ABTB2: variants seen among roughly 807,000 people sequenced by gnomAD.
ABTB2 encodes the protein ankyrin repeat and BTB/POZ domain-containing protein 2.
ABTB2 carries 56 observed loss-of-function variants against 104.1 expected under a neutral mutation model. The ratio of observed to expected loss-of-function variants is 0.54; its 90% CI spans 0.43 to 0.67. The LOEUF (loss-of-function observed/expected upper bound fraction) is 0.67. ABTB2 is among the 30% of genes least tolerant of loss of function. The pLI, the probability that ABTB2 is intolerant of heterozygous loss-of-function variation, is 0.00. For synonymous variants in ABTB2, 606 were observed against 608.2 expected (o/e 1.00, Z 0.05); for missense variants, 1,279 against 1,407.7 (o/e 0.91, Z 1.46).
intron 1 of ABTB2, among the ~76,000 whole-genome samples, chr11:34,280,051 G>A (rs746430082): frequency 4.6e-5 from 7 of 152,042 alleles, no homozygotes; most frequent in African/African-American, 7.2e-5. Flanking sequence ...GATTACAGGC[G>A]TGAGCCACCG....
At chr11:34,176,634 C>T (rs1166165799) in intron 3 of ABTB2, among the ~76,000 whole-genome samples, 7 of 152,140 alleles carry the variant, frequency 4.6e-5, no homozygotes, top group Admixed American at 2.6e-4. Flanking sequence ...AAAGAGAGAC[C>T]GTGTCTCAAG....
intron 1 of ABTB2, among the ~76,000 whole-genome samples, chr11:34,288,444 A>C (rs1277430708): frequency 6.6e-6 from 1 of 152,236 alleles, no homozygotes; most frequent in Non-Finnish European, 1.5e-5. Flanking sequence ...TAAGTGCAAG[A>C]ACAATCAAAG....
At chr11:34,313,129 T>C (rs73497379) in intron 1 of ABTB2, among the ~76,000 whole-genome samples, 8,391 of 152,290 alleles carry the variant, frequency 0.055, 430 homozygotes, top group African/African-American at 0.14. Context: ...TCACTGTCAG[T>C]GGAACAATTT....
At chr11:34,232,571 G>C (rs1853785938) in intron 1 of ABTB2, among the ~76,000 whole-genome samples, 1 of 152,094 alleles carries the variant, frequency 6.6e-6, no homozygotes, top group South Asian at 2.1e-4. Flanking sequence ...GAGACCTTCT[G>C]AAGCCCCACC....
At chr11:34,308,328 C>A (rs910441052) in intron 1 of ABTB2, among the ~76,000 whole-genome samples, 4 of 152,216 alleles carry the variant, frequency 2.6e-5, no homozygotes, top group African/African-American at 9.7e-5. Flanking sequence ...GATTTTATTT[C>A]TCAGGCCACA....
intron 1 of ABTB2, among the ~76,000 whole-genome samples, chr11:34,320,039 G>A (rs1038246077): frequency 6.6e-6 from 1 of 152,158 alleles, no homozygotes; most frequent in African/African-American, 2.4e-5. Context: ...CGTGACCACC[G>A]TGCCTGGCCA....
In ABTB2 at chr11:34,152,091, T is replaced by C; in HGVS notation, c.*296A>G. 2.4e-6 allele frequency: 1 copy of C among 414,600 alleles called. No individual in the cohort carries two copies. Among genetic ancestry groups the C allele is most frequent in the Non-Finnish European group, 4.5e-6 (1 of 221,926 alleles). The allele number at this position is 414,600 out of a possible 1,614,324, so 25.7% of individuals were successfully genotyped here. A position where few individuals can be genotyped will look rare whatever the true frequency, so the allele number is the denominator to read the frequency against. Reference sequence around the variant, plus strand: ...GGTGGATCAGGATCAGCTGCTGACCTGCAGGAGGGGAGAGCGACACCCCGG... The same window carrying C: ...GGTGGATCAGGATCAGCTGCTGACCCGCAGGAGGGGAGAGCGACACCCCGG... On this transcript the variant is annotated 3_prime_UTR_variant, in exon 17 of 17. Transcript: ENST00000435224.
chr11:34,197,550 CGGGGAGGGCAGA>C lies in ABTB2; in HGVS notation c.1031-24_1031-13del, dbSNP rs1565138409. 2 of 1,450,756 alleles carry C rather than the reference CGGGGAGGGCAGA, an allele frequency of 1.4e-6. No individual in the cohort carries two copies. The highest frequency in any genetic ancestry group is 1.9e-6 in the Non-Finnish European group (2 of 1,067,942). The allele number at this position is 1,450,756 out of a possible 1,614,324, so 89.9% of individuals were successfully genotyped here. On this transcript the variant is annotated splice_polypyrimidine_tract_variant and intron_variant, in intron 2 of 16. Transcript: ENST00000435224. ...GGAGACCAAGTCACCTGGTGGGGGGCGGGGAGGGCAGAGGGGAGGAAGAGAAAAAAAGAAGAC... is the reference window on the plus strand; with the variant it reads ...GGAGACCAAGTCACCTGGTGGGGGGCGGGGAGGAAGAGAAAAAAAGAAGAC...
intron 5 of ABTB2, among the ~76,000 whole-genome samples, chr11:34,170,487 TTTC>T (rs1460844009): frequency 1.3e-5 from 2 of 152,332 alleles, no homozygotes; most frequent in Non-Finnish European, 1.5e-5. Context: ...CATGTCTGTG[TTTC>T]TTCTTATCTG....
chr11:34,239,936 C>T (rs1045955628), intron 1 of ABTB2, among the ~76,000 whole-genome samples: 1 of 152,158 alleles, frequency 6.6e-6, no homozygotes, highest in African/African-American at 2.4e-5. Flanking sequence ...AGGCATTTCC[C>T]CCCTAAATAC....
At chr11:34,313,709 TCA>T in intron 1 of ABTB2, among the ~76,000 whole-genome samples, 1 of 152,240 alleles carries the variant, frequency 6.6e-6, no homozygotes, top group African/African-American at 2.4e-5. Flanking sequence ...CTCAGTTTCT[TCA>T]TCTGTAAAAT....
chr11:34,246,445 T>C (rs185797924), intron 1 of ABTB2, among the ~76,000 whole-genome samples: 13 of 151,756 alleles, frequency 8.6e-5, no homozygotes, highest in East Asian at 7.8e-4. Context: ...TTACTAAAAA[T>C]ACAAAATTAG....
chr11:34,159,227 T>A, intron 14 of ABTB2, 69 bp downstream of exon 14: 1 of 1,186,878 alleles, frequency 8.4e-7, no homozygotes, highest in South Asian at 1.2e-5. Flanking sequence ...AATGCACAGC[T>A]GCCCACAAGG....
intron 1 of ABTB2, among the ~76,000 whole-genome samples, chr11:34,318,471 C>T (rs569205374): frequency 2.6e-5 from 4 of 152,220 alleles, no homozygotes; most frequent in South Asian, 4.1e-4. Context: ...ACCCAGAGAC[C>T]ATCTAGAAAA....
chr11:34,260,873 C>T (rs1302123167), intron 1 of ABTB2, among the ~76,000 whole-genome samples: 1 of 152,178 alleles, frequency 6.6e-6, no homozygotes, highest in Non-Finnish European at 1.5e-5. Flanking sequence ...GTATAGCTTT[C>T]TCCCATCTAA....
intron 1 of ABTB2, among the ~76,000 whole-genome samples, chr11:34,350,019 C>T (rs754493693): frequency 4.6e-5 from 7 of 152,158 alleles, no homozygotes; most frequent in African/African-American, 9.7e-5. Context: ...AAGGCACAAC[C>T]GCATGTGTAC....
intron 1 of ABTB2, among the ~76,000 whole-genome samples, chr11:34,327,077 A>G (rs766595550): frequency 6.6e-6 from 1 of 152,254 alleles, no homozygotes; most frequent in Non-Finnish European, 1.5e-5. Flanking sequence ...TCCGTCTCAA[A>G]AATAAAATAA....
chr11:34,261,870 C>T lies in ABTB2; in HGVS notation c.884-57180G>A, dbSNP rs530504084. On this transcript the variant is annotated intron_variant, in intron 1 of 16. Coordinates refer to ENST00000435224, the MANE Select transcript of ABTB2 (RefSeq NM_145804.3). ...CATCACAGTGCTATCTCTGTACCACCCCCCAAATTAAATCAGACTTGTTGC... is the reference window on the plus strand; with the variant it reads ...CATCACAGTGCTATCTCTGTACCACTCCCCAAATTAAATCAGACTTGTTGC... 7.2e-5 allele frequency among the ~76,000 whole-genome samples: 11 copies of T among 152,306 alleles called. No homozygotes were observed. In the South Asian group the frequency reaches 2.3e-3, roughly 32 times the overall value.
intron 6 of ABTB2, 57 bp from the exon 7 acceptor site, chr11:34,167,417 C>T (rs1410350899): frequency 1.4e-6 from 2 of 1,433,498 alleles, no homozygotes; most frequent in African/African-American, 2.8e-5. Flanking sequence ...AGGGAGTACC[C>T]TGCAGGGATG....
Sources: allele counts gnomAD v4.1 joint callset (sites outside exome capture counted in the v4.1 genomes callset), GRCh38; gene constraint gnomAD v4.1.1; transcripts MANE v1.5; gene names NCBI Gene and HGNC (gene_info 2026-07-23, HGNC 2026-07-21).